FIBCD1: variants seen among roughly 807,000 people sequenced by gnomAD.
FIBCD1 encodes the protein fibrinogen C domain-containing protein 1.
Under a neutral mutation model 45.1 loss-of-function variants are expected in FIBCD1, and 47 were observed. That is an observed-to-expected ratio of 1.04 (90% CI 0.82 to 1.33). FIBCD1 has a LOEUF of 1.33. Ranked by LOEUF, FIBCD1 falls within the 40% of genes most tolerant of loss-of-function variation. FIBCD1 has a pLI of 0.00. For synonymous variants in FIBCD1, 313 were observed against 308.1 expected (o/e 1.02, Z -0.17); for missense variants, 653 against 682.2 (o/e 0.96, Z 0.48).
intron 1 of FIBCD1, among the ~76,000 whole-genome samples, chr9:130,931,684 C>T (rs1314449985): frequency 1.3e-5 from 2 of 152,216 alleles, no homozygotes; most frequent in Non-Finnish European, 2.9e-5. Flanking sequence ...CGCTCATGGC[C>T]CCTGAGCATT....
At chr9:130,928,519 C>T (rs1406059190) in intron 2 of FIBCD1, among the ~76,000 whole-genome samples, 1 of 152,252 alleles carries the variant, frequency 6.6e-6, no homozygotes, top group Non-Finnish European at 1.5e-5. Context: ...GGGGAAGCCA[C>T]CTTCCCATCA....
intron 1 of FIBCD1, 132 bp downstream of exon 1, chr9:130,938,404 G>A (rs1306008935): frequency 6.9e-6 from 5 of 720,824 alleles, no homozygotes; most frequent in African/African-American, 1.9e-5. Flanking sequence ...TCCCCATCCC[G>A]GCCCGGGCCT....
chr9:130,904,657 G>GT (rs1831895770), intron 6 of FIBCD1, among the ~76,000 whole-genome samples: 1 of 152,196 alleles, frequency 6.6e-6, no homozygotes, highest in African/African-American at 2.4e-5. Context: ...ACCCAGCCCA[G>GT]GGGGGTCCAG....
At chr9:130,934,953 A>T (rs1832496708) in intron 1 of FIBCD1, among the ~76,000 whole-genome samples, 1 of 152,122 alleles carries the variant, frequency 6.6e-6, no homozygotes, top group East Asian at 1.9e-4. Flanking sequence ...AAGAAGAAAG[A>T]GGCATGGATC....
chr9:130,940,314 T>A (rs1832602013), upstream of FIBCD1, among the ~76,000 whole-genome samples: 1 of 152,206 alleles, frequency 6.6e-6, no homozygotes, highest in Non-Finnish European at 1.5e-5. Context: ...CGGCTGTTTG[T>A]CCCCAGCCGC....
chr9:130,917,012 C>T (rs1832172648), intron 4 of FIBCD1, among the ~76,000 whole-genome samples: 1 of 152,188 alleles, frequency 6.6e-6, no homozygotes, highest in Non-Finnish European at 1.5e-5. Context: ...GCAGGAGAAT[C>T]ACTTGAACCT....
chr9:130,906,829 T>C (rs2133067612), intron 5 of FIBCD1, among the ~76,000 whole-genome samples: 1 of 152,334 alleles, frequency 6.6e-6, no homozygotes, highest in East Asian at 1.9e-4. Context: ...GAGTCTAATT[T>C]AATTACAGAA....
chr9:130,924,295 G>T lies in FIBCD1; in HGVS notation c.654C>A (p.Asn218Lys), dbSNP rs943374908. The change falls in exon 3 of 7, where the codon AAC becomes AAA. Residue 218 changes from asparagine (N) to lysine (K), a missense_variant. By Grantham distance (94) the Asn-to-Lys change is moderately conservative. Coordinates refer to ENST00000372338, the MANE Select transcript of FIBCD1 (RefSeq NM_032843.5). The stretch of plus-strand genomic sequence containing the variant: ...CAGGCGCTCTCTGAAGGTCGGCCTT[G>T]TTGCGGGGCCGGCCCAGCCCCCGGT... The part of the protein sequence containing the change: ...QRDRGLGRPR[N>K]KADLQRAPAR... The T allele has an allele frequency of 8.1e-6, 13 of 1,603,898 alleles. No individual in the cohort carries two copies. Among genetic ancestry groups the T allele is most frequent in the African/African-American group, 1.3e-5 (1 of 74,794 alleles).
At chr9:130,939,775 A>G (rs564676842), upstream of FIBCD1, among the ~76,000 whole-genome samples, 1 of 151,866 alleles carries the variant, frequency 6.6e-6, no homozygotes, top group Non-Finnish European at 1.5e-5. Flanking sequence ...CCTTCCCACC[A>G]GCAGCACTTT....
intron 2 of FIBCD1, among the ~76,000 whole-genome samples, chr9:130,927,764 G>T (rs1385852830): frequency 6.6e-6 from 1 of 152,244 alleles, no homozygotes; most frequent in Non-Finnish European, 1.5e-5. Flanking sequence ...TGCCTTCCGG[G>T]TTCGAGCAAT....
chr9:130,919,957 C>T (rs1249621072), intron 4 of FIBCD1, among the ~76,000 whole-genome samples: 2 of 148,440 alleles, frequency 1.3e-5, no homozygotes, highest in African/African-American at 5.0e-5. Context: ...GGGGACAAGA[C>T]TGTGCGGCAG....
At chr9:130,923,906 G>A in intron 3 of FIBCD1, 26 bp from the exon 4 acceptor site, 1 of 1,611,466 alleles carries the variant, frequency 6.2e-7, no homozygotes, top group Non-Finnish European at 8.5e-7. Context: ...CTGTCAGGGT[G>A]GCTGCGGCCC....
intron 1 of FIBCD1, among the ~76,000 whole-genome samples, chr9:130,933,331 C>A (rs547197733): frequency 1.3e-5 from 2 of 152,304 alleles, no homozygotes; most frequent in East Asian, 3.9e-4. Context: ...CTGATTCATC[C>A]GTCCTGGTGT....
At position 130,926,032 on chromosome 9, in the gene FIBCD1, T is replaced by A. The variant is rs913944009; in HGVS notation, c.553-1636A>T. 6.6e-6 allele frequency among the ~76,000 whole-genome samples: 1 copy of A among 151,974 alleles called. No homozygotes were observed. The highest frequency in any genetic ancestry group is 6.5e-5 in the Admixed American group (1 of 15,276). On this transcript the variant is annotated intron_variant, in intron 2 of 6. Coordinates refer to ENST00000372338, the MANE Select transcript of FIBCD1 (RefSeq NM_032843.5). This position sits in a 1 kb window ranked among gnomAD's most constrained non-coding sequence, Gnocchi z 4.1. ...AGGCCAGGGGAGAGAGGAGCAGAGA[T>A]GGGCAGGCAGGGCGTTTGGGTTTCA...
chr9:130,919,077 G>A (rs567606637), intron 4 of FIBCD1, among the ~76,000 whole-genome samples: 1 of 152,306 alleles, frequency 6.6e-6, no homozygotes, highest in Non-Finnish European at 1.5e-5. Flanking sequence ...GCGCCTGCCG[G>A]CTCTTGGCAC....
Position 130,929,767 on chromosome 9 carries a change from C to T in FIBCD1, c.352G>A (p.Ala118Thr). ...LESAQASVLQ[A>T]LTEHQAQPRL... ...GGCTGGGCCTGGTGCTCTGTCAGCG[C>T]CTGCAGCACCGAGGCCTGGGCGCTC... The change falls in exon 2 of 7, where the codon GCG (alanine) becomes ACG (threonine). Residue 118 changes from alanine (A) to threonine (T), a missense_variant. Ala to Thr is a moderately conservative substitution (Grantham distance 58). Transcript: ENST00000372338. The T allele has an allele frequency of 1.3e-6, 2 of 1,559,294 alleles. No homozygotes were observed. The highest frequency in any genetic ancestry group is 1.7e-6 in the Non-Finnish European group (2 of 1,151,852).
At chr9:130,918,504 G>A (rs1334023646) in intron 4 of FIBCD1, among the ~76,000 whole-genome samples, 1 of 152,236 alleles carries the variant, frequency 6.6e-6, no homozygotes, top group Non-Finnish European at 1.5e-5. Context: ...GTTACAGACA[G>A]GACTGTCTTG....
At chr9:130,912,068 A>C (rs1049575845) in intron 4 of FIBCD1, among the ~76,000 whole-genome samples, 180 bp from the exon 5 acceptor site, 3 of 151,812 alleles carry the variant, frequency 2.0e-5, no homozygotes, top group African/African-American at 7.3e-5. Flanking sequence ...GGAAAACAGC[A>C]GAGGTTCCAG....
chr9:130,904,415 G>A (rs1831890146), intron 6 of FIBCD1, 92 bp from the exon 7 acceptor site: 1 of 1,496,374 alleles, frequency 6.7e-7, no homozygotes, highest in Non-Finnish European at 8.9e-7. Context: ...CACTGCACGT[G>A]CACCTGGACG....
Sources: allele counts gnomAD v4.1 joint callset (sites outside exome capture counted in the v4.1 genomes callset), GRCh38; gene constraint gnomAD v4.1.1; non-coding constraint Gnocchi (gnomAD v3.1); transcripts MANE v1.5; gene names NCBI Gene and HGNC (gene_info 2026-07-23, HGNC 2026-07-21).